Variants in TENT5D observed in about 807,000 individuals in gnomAD.
TENT5D encodes the protein terminal nucleotidyltransferase 5D, also known as cancer/testis antigen 112.
For synonymous variants in TENT5D, 103 were observed against 100.6 expected, an observed-to-expected ratio of 1.02 and a Z score of -0.15; for missense variants, 191 against 287.0, an observed-to-expected ratio of 0.67 and a Z score of 2.42.
intron 3 of TENT5D, among the ~76,000 whole-genome samples, chrX:80,407,002 G>C (rs1931513433): frequency 9.4e-6 from 1 of 106,741 alleles, no homozygotes; most frequent in South Asian, 4.3e-4. Flanking sequence ...GCCAAACTAA[G>C]CTTCATAAGT....
chrX:80,411,234 T>TA (rs1280038733), intron 3 of TENT5D, among the ~76,000 whole-genome samples: 1 of 109,921 alleles, frequency 9.1e-6, no homozygotes, highest in Non-Finnish European at 1.9e-5. Flanking sequence ...CCCTAAAACT[T>TA]AAAGTATAAT....
At chrX:80,394,628 A>G (rs897312312) in intron 3 of TENT5D, among the ~76,000 whole-genome samples, 5 of 110,206 alleles carry the variant, frequency 4.5e-5, no homozygotes, top group African/African-American at 1.7e-4. Flanking sequence ...TCCCAACCTC[A>G]AGTGATCCAC....
intron 2 of TENT5D, among the ~76,000 whole-genome samples, chrX:80,439,379 A>G (rs1288053502): frequency 1.8e-5 from 2 of 111,282 alleles, no homozygotes; most frequent in Admixed American, 1.9e-4. Context: ...CATGACATTC[A>G]TCCAAAGTTT....
At chrX:80,392,738 G>A (rs1291703829) in intron 3 of TENT5D, among the ~76,000 whole-genome samples, 2 of 103,527 alleles carry the variant, frequency 1.9e-5, no homozygotes, top group African/African-American at 7.1e-5. Context: ...GGATGGTCTC[G>A]ATCTCCTGAC....
At chrX:80,360,771 C>G (rs1012714227) in intron 3 of TENT5D, among the ~76,000 whole-genome samples, 4 of 111,920 alleles carry the variant, frequency 3.6e-5, no homozygotes, top group African/African-American at 1.3e-4. Context: ...AAACTCTTTA[C>G]TGATAACTGT....
At chrX:80,349,415 A>G (rs997253364) in intron 3 of TENT5D, among the ~76,000 whole-genome samples, 1 of 111,404 alleles carries the variant, frequency 9.0e-6, no homozygotes, top group African/African-American at 3.3e-5. Context: ...GAATTTATCC[A>G]TTGCTTCTAG....
intron 3 of TENT5D, among the ~76,000 whole-genome samples, chrX:80,397,291 G>A (rs1286330090): frequency 5.5e-5 from 6 of 108,466 alleles, no homozygotes. Flanking sequence ...CATCCCAGAC[G>A]GGGTGGCGGG....
chrX:80,427,631 C>T (rs1270184848), intron 1 of TENT5D, among the ~76,000 whole-genome samples: 1 of 111,667 alleles, frequency 9.0e-6, no homozygotes, highest in African/African-American at 3.3e-5. Flanking sequence ...TGTATAACTA[C>T]ACAGACAGGC....
At chrX:80,359,354 T>A (rs183891850) in intron 3 of TENT5D, among the ~76,000 whole-genome samples, 20 of 112,003 alleles carry the variant, frequency 1.8e-4, no homozygotes, top group South Asian at 1.5e-3. Flanking sequence ...TGCACACATA[T>A]GTTTATTGCA....
chrX:80,393,947 C>A (rs1485675200), intron 3 of TENT5D, among the ~76,000 whole-genome samples: 1 of 111,834 alleles, frequency 8.9e-6, no homozygotes, highest in Non-Finnish European at 1.9e-5. Flanking sequence ...ATTTTTTACC[C>A]ACTCATTGAT....
intron 3 of TENT5D, among the ~76,000 whole-genome samples, chrX:80,407,792 A>G (rs1428746306): frequency 9.4e-5 from 10 of 106,859 alleles, no homozygotes; most frequent in Admixed American, 9.0e-4. Context: ...AATCAACAGA[A>G]TATACATTTT....
chrX:80,433,802 G>A (rs769917619), intron 1 of TENT5D, among the ~76,000 whole-genome samples: 2 of 111,354 alleles, frequency 1.8e-5, no homozygotes, highest in South Asian at 7.6e-4. Context: ...CTGGGAATTT[G>A]CATAAATCTC....
intron 3 of TENT5D, among the ~76,000 whole-genome samples, chrX:80,347,769 T>G (rs1930095356): frequency 8.9e-6 from 1 of 112,179 alleles, no homozygotes; most frequent in Non-Finnish European, 1.9e-5. Flanking sequence ...CTGAATGGTA[T>G]CTCCTAGGTT....
At chrX:80,357,511 A>G (rs1930309966) in intron 3 of TENT5D, among the ~76,000 whole-genome samples, 1 of 110,744 alleles carries the variant, frequency 9.0e-6, no homozygotes, top group Admixed American at 9.6e-5. Context: ...TCTGATGGCC[A>G]GTGATGATGA....
At chrX:80,435,548 C>T (rs902901670) in intron 1 of TENT5D, among the ~76,000 whole-genome samples, 3 of 112,245 alleles carry the variant, frequency 2.7e-5, no homozygotes, top group South Asian at 7.3e-4. Context: ...ATACAGAAGT[C>T]CTCAAAGAGG....
At chrX:80,418,964 G>A (rs1156694259), upstream of TENT5D, among the ~76,000 whole-genome samples, 13 of 110,832 alleles carry the variant, frequency 1.2e-4, 1 homozygote, top group Non-Finnish European at 3.8e-5. Context: ...CTAACTCTTT[G>A]TTCATCATGT....
At chrX:80,410,458 G>T (rs1931630832) in intron 3 of TENT5D, among the ~76,000 whole-genome samples, 1 of 85,427 alleles carries the variant, frequency 1.2e-5, no homozygotes, top group Admixed American at 1.4e-4. Flanking sequence ...CTTCTCAAAA[G>T]AAGACATTTA....
At chrX:80,348,861 T>C (rs1359696100) in intron 3 of TENT5D, among the ~76,000 whole-genome samples, 2 of 112,298 alleles carry the variant, frequency 1.8e-5, no homozygotes, top group Admixed American at 1.9e-4. Flanking sequence ...TTAGAGTTTT[T>C]AACATGAAGG....
At chrX:80,362,646 C>A (rs1402107675) in intron 3 of TENT5D, among the ~76,000 whole-genome samples, 1 of 111,198 alleles carries the variant, frequency 9.0e-6, no homozygotes, top group Admixed American at 9.6e-5. Flanking sequence ...AATTAGTTCC[C>A]TGTCAACTGA....
Sources: allele counts gnomAD v4.1 joint callset (sites outside exome capture counted in the v4.1 genomes callset), GRCh38; gene constraint gnomAD v4.1.1; transcripts MANE v1.5; gene names NCBI Gene and HGNC (gene_info 2026-07-23, HGNC 2026-07-21).